USP46: variants seen among roughly 807,000 people sequenced by gnomAD.
USP46 encodes the protein ubiquitin carboxyl-terminal hydrolase 46.
USP46 carries 12 observed loss-of-function variants against 44.4 expected under a neutral mutation model. The observed-to-expected ratio is 0.27, with a 90% CI of 0.17 to 0.44. USP46 has a LOEUF of 0.44. USP46 is among the 20% of genes least tolerant of loss of function. The probability of loss-of-function intolerance (pLI) is 1.00; values close to 1 mark genes in which losing one functional copy is unlikely to be tolerated. For missense variants in USP46, 248 were observed against 444.8 expected (o/e 0.56, Z 3.98); for synonymous variants, 155 against 161.5 (o/e 0.96, Z 0.31).
intron 1 of USP46, among the ~76,000 whole-genome samples, chr4:52,632,979 A>AGAAAGAAAG (rs1560406067): frequency 2.6e-5 from 2 of 77,068 alleles, no homozygotes; most frequent in Non-Finnish European, 2.5e-5. Context: ...AAAGAAAGAA[A>AGAAAGAAAG]GAAAGAAAAG....
chr4:52,613,257 G>A (rs1717001949), intron 4 of USP46, among the ~76,000 whole-genome samples: 1 of 152,166 alleles, frequency 6.6e-6, no homozygotes, highest in Non-Finnish European at 1.5e-5. Context: ...CCCCACATGT[G>A]GCTGACCCCT....
chr4:52,654,656 A>G (rs1315931264), intron 1 of USP46, among the ~76,000 whole-genome samples: 2 of 152,166 alleles, frequency 1.3e-5, no homozygotes, highest in African/African-American at 4.8e-5. Context: ...TCGGCCTCCC[A>G]AAGTACTGGT....
At chr4:52,603,106 A>T (rs1325621157) in intron 6 of USP46, among the ~76,000 whole-genome samples, 1 of 152,256 alleles carries the variant, frequency 6.6e-6, no homozygotes, top group Non-Finnish European at 1.5e-5. Context: ...CATATAAATA[A>T]GCAAGTAAAA....
At chr4:52,610,393 A>C (rs1716895550) in intron 5 of USP46, 148 bp downstream of exon 5, 1 of 699,084 alleles carries the variant, frequency 1.4e-6, no homozygotes, top group Middle Eastern at 2.5e-4. Context: ...AGACCACATA[A>C]TCGCTCTTGG....
intron 4 of USP46, among the ~76,000 whole-genome samples, chr4:52,619,697 C>T (rs1255625256): frequency 6.6e-6 from 1 of 152,164 alleles, no homozygotes; most frequent in Non-Finnish European, 1.5e-5. Context: ...ACAATTAGAG[C>T]TTTCTAAAAA....
chr4:52,637,819 A>T (rs1239828320), intron 1 of USP46, among the ~76,000 whole-genome samples: 1 of 152,080 alleles, frequency 6.6e-6, no homozygotes, highest in African/African-American at 2.4e-5. Context: ...TTCCAACCTC[A>T]TCTCCTGCCC....
chr4:52,610,413 G>T, intron 5 of USP46, 128 bp downstream of exon 5: 1 of 780,270 alleles, frequency 1.3e-6, no homozygotes, highest in Non-Finnish European at 2.1e-6. Context: ...GGAAAGGAGA[G>T]ATAGAAAATA....
At chr4:52,645,174 G>A (rs576584801) in intron 1 of USP46, among the ~76,000 whole-genome samples, 39 of 148,742 alleles carry the variant, frequency 2.6e-4, no homozygotes, top group Non-Finnish European at 4.0e-4. Context: ...GCAGTGAGCC[G>A]AGATCGCGCC....
chr4:52,614,368 G>C (rs1001741676), intron 4 of USP46, among the ~76,000 whole-genome samples: 25 of 152,218 alleles, frequency 1.6e-4, no homozygotes, highest in African/African-American at 5.8e-4. Flanking sequence ...GTCAGCCAAG[G>C]TGCCTCACAG....
chr4:52,644,137 C>A (rs1200613910), intron 1 of USP46, among the ~76,000 whole-genome samples: 1 of 152,126 alleles, frequency 6.6e-6, no homozygotes, highest in African/African-American at 2.4e-5. Context: ...ACTCTCTCTG[C>A]CAAATAAATC....
intron 4 of USP46, among the ~76,000 whole-genome samples, chr4:52,618,887 T>C (rs1312017918): frequency 6.6e-6 from 1 of 152,136 alleles, no homozygotes; most frequent in African/African-American, 2.4e-5. Flanking sequence ...AGCTGTAAAA[T>C]TGGTACTTAA....
chr4:52,630,555 G>A lies in USP46; in HGVS notation c.117+509C>T, dbSNP rs116400566. ...GGATCACCTGAGGTCTGGAGCTCTG[G>A]CCAACATGGCAAAACCCTGTCTCTA... On this transcript the variant is annotated intron_variant, in intron 2 of 8. Transcript: ENST00000441222. Among the ~76,000 whole-genome samples the A allele has an allele frequency of 4.8e-3, 738 of 152,180 alleles. 3 individuals carry two copies. Among genetic ancestry groups the A allele is most frequent in the Non-Finnish European group, 7.8e-3 (533 of 68,010 alleles).
At chr4:52,600,115 G>A (rs1049093825) in intron 7 of USP46, among the ~76,000 whole-genome samples, 1 of 152,080 alleles carries the variant, frequency 6.6e-6, no homozygotes, top group Non-Finnish European at 1.5e-5. Flanking sequence ...GTAGCAGGGT[G>A]GTGTGTTTAT....
In USP46 at chr4:52,650,931, T is replaced by A. The variant is rs916302471; in HGVS notation, c.36+8184A>T. 11 of 152,136 alleles carry A rather than the reference T, an allele frequency of 7.2e-5. No homozygotes were observed. The East Asian group carries it at 2.1e-3, about 29-fold the overall frequency. 9.4% of individuals were successfully genotyped at this position (152,136 alleles called of 1,614,324 possible). A position where few individuals can be genotyped will look rare whatever the true frequency, so the allele number is the denominator to read the frequency against. ...AGGCAACATGGTGAAACCCTGTCTC[T>A]ACTAAAAATACAAAATTAGCTGGGC... On this transcript the variant is annotated intron_variant, in intron 1 of 8. Coordinates refer to ENST00000441222, the MANE Select transcript of USP46 (RefSeq NM_022832.4).
intron 5 of USP46, among the ~76,000 whole-genome samples, chr4:52,605,653 C>T (rs1716659085): frequency 6.6e-6 from 1 of 152,204 alleles, no homozygotes; most frequent in Admixed American, 6.5e-5. Context: ...CAGAGAATAA[C>T]TGCCTTCATA....
rs781576298 is a variant in USP46 at position 52,597,477 on chromosome 4, T to C, written c.*163A>G. On this transcript the variant is annotated 3_prime_UTR_variant, in exon 9 of 9. Coordinates refer to ENST00000441222, the MANE Select transcript of USP46 (RefSeq NM_022832.4). ...ACTGAAATAAAACCAAGAGTAGTGC[T>C]GCATGTAAAAACACAAAAGGAGAGA... The C allele has an allele frequency of 2.0e-5, 12 of 601,622 alleles. No individual in the cohort carries two copies. Among genetic ancestry groups the C allele is most frequent in the Admixed American group, 1.4e-4 (4 of 29,116 alleles). The allele number at this position is 601,622 out of a possible 1,614,324, so 37.3% of individuals were successfully genotyped here. A position where few individuals can be genotyped will look rare whatever the true frequency, so the allele number is the denominator to read the frequency against.
intron 1 of USP46, among the ~76,000 whole-genome samples, chr4:52,633,328 T>TAA (rs765043202): frequency 1.3e-5 from 2 of 152,188 alleles, no homozygotes; most frequent in Non-Finnish European, 2.9e-5. Flanking sequence ...ATGTGAGACT[T>TAA]ACAGTTCAAG....
chr4:52,656,240 C>T, intron 1 of USP46: 10 of 1,527,970 alleles, frequency 6.5e-6, no homozygotes. Context: ...CGGGAAGGGT[C>T]AGTAAGAGGC....
At chr4:52,645,239 A>AG (rs1443901419) in intron 1 of USP46, among the ~76,000 whole-genome samples, 79 of 151,898 alleles carry the variant, frequency 5.2e-4, no homozygotes, top group African/African-American at 1.8e-3. Flanking sequence ...AAAAAAAAAA[A>AG]AAAAGAAAAC....
Sources: gnomAD v4.1 joint callset for allele counts (sites outside exome capture counted in the v4.1 genomes callset) on GRCh38, gnomAD v4.1.1 for gene constraint, MANE v1.5 for transcripts, NCBI Gene and HGNC (gene_info 2026-07-23, HGNC 2026-07-21) for gene names.